The following CPNE8 variants were observed in gnomAD, a reference collection of about 807,000 sequenced individuals.
The protein encoded by CPNE8 is copine 8, also known as copine-8.
A neutral mutation model predicts 81.5 loss-of-function variants in CPNE8; 45 were observed. The ratio of observed to expected loss-of-function variants is 0.55; its 90% CI spans 0.44 to 0.71. CPNE8 has a LOEUF of 0.71. Ranked by LOEUF, CPNE8 falls within the 30% of genes least tolerant of loss-of-function variation. The pLI, the probability that CPNE8 is intolerant of heterozygous loss-of-function variation, is 0.00. For synonymous variants in CPNE8, 252 were observed against 226.3 expected, an observed-to-expected ratio of 1.11 and a Z score of -1.02; for missense variants, 594 against 672.1, an observed-to-expected ratio of 0.88 and a Z score of 1.28.
At chr12:38,755,923 C>T (rs1361087415) in intron 10 of CPNE8, among the ~76,000 whole-genome samples, 10 of 150,310 alleles carry the variant, frequency 6.7e-5, no homozygotes, top group South Asian at 2.1e-4. Flanking sequence ...GCCTGTAGTC[C>T]CAGCTACTCG....
intron 3 of CPNE8, among the ~76,000 whole-genome samples, chr12:38,861,416 G>A (rs1024727836): frequency 5.3e-5 from 8 of 151,850 alleles, no homozygotes; most frequent in African/African-American, 1.4e-4. Context: ...AAATCAGAAC[G>A]AATATTAAAA....
At chr12:38,710,477 G>A (rs2136708315) in intron 13 of CPNE8, among the ~76,000 whole-genome samples, 1 of 152,106 alleles carries the variant, frequency 6.6e-6, no homozygotes, top group South Asian at 2.1e-4. Context: ...AAATCTCTGG[G>A]TCCTAGTTTT....
At chr12:38,857,021 A>T (rs980412494) in intron 3 of CPNE8, among the ~76,000 whole-genome samples, 2 of 151,976 alleles carry the variant, frequency 1.3e-5, no homozygotes, top group African/African-American at 2.4e-5. Flanking sequence ...CTTTTTTTGA[A>T]ATAAATTATG....
chr12:38,777,805 C>T (rs141796819), intron 6 of CPNE8, among the ~76,000 whole-genome samples: 6 of 152,152 alleles, frequency 3.9e-5, no homozygotes, highest in East Asian at 1.9e-4. Context: ...CTGCAGAGCA[C>T]GAGATGAGTG....
At chr12:38,681,999 T>C (rs77681917) in intron 16 of CPNE8, among the ~76,000 whole-genome samples, 4,073 of 152,080 alleles carry the variant, frequency 0.027, 197 homozygotes, top group East Asian at 0.15. Context: ...GGCGGGTGGA[T>C]CACTTAAGCC....
chr12:38,795,580 T>A (rs1305890761), intron 6 of CPNE8, among the ~76,000 whole-genome samples: 10 of 152,152 alleles, frequency 6.6e-5, no homozygotes, highest in Non-Finnish European at 1.2e-4. Context: ...ACTACAAGAA[T>A]GAATCTTGAA....
chr12:38,677,357 T>A, intron 17 of CPNE8, 95 bp downstream of exon 17: 1 of 710,028 alleles, frequency 1.4e-6, no homozygotes, highest in Admixed American at 2.2e-5. Context: ...GTGTGGTGAT[T>A]TTATTTTATT....
intron 10 of CPNE8, among the ~76,000 whole-genome samples, chr12:38,756,323 G>A (rs1331325439): frequency 1.3e-5 from 2 of 149,806 alleles, no homozygotes; most frequent in Admixed American, 1.3e-4. Flanking sequence ...AAAACAAAAT[G>A]TGATTGTAAG....
chr12:38,694,006 GTTATA>G (rs1005624764), intron 14 of CPNE8, among the ~76,000 whole-genome samples, 168 bp from the exon 15 acceptor site: 73 of 152,150 alleles, frequency 4.8e-4, no homozygotes, highest in African/African-American at 1.6e-3. Context: ...AGAAATATTT[GTTATA>G]TTATATTAGA....
intron 10 of CPNE8, among the ~76,000 whole-genome samples, chr12:38,736,298 T>G (rs1940952472): frequency 6.6e-6 from 1 of 151,644 alleles, no homozygotes; most frequent in Non-Finnish European, 1.5e-5. Flanking sequence ...CTATTATGAT[T>G]ATTGAATATT....
chr12:38,783,229 T>C (rs1442287393), intron 6 of CPNE8, among the ~76,000 whole-genome samples: 3 of 152,128 alleles, frequency 2.0e-5, no homozygotes, highest in Non-Finnish European at 4.4e-5. Flanking sequence ...GAGGGCTCCA[T>C]TGATCATCCC....
intron 13 of CPNE8, among the ~76,000 whole-genome samples, chr12:38,708,291 A>T (rs1940163636): frequency 6.6e-6 from 1 of 152,166 alleles, no homozygotes; most frequent in Non-Finnish European, 1.5e-5. Context: ...CAACATTTCA[A>T]TCAGTAACGT....
At chr12:38,717,346 T>C (rs8181765) in intron 13 of CPNE8, among the ~76,000 whole-genome samples, 15,437 of 148,630 alleles carry the variant, frequency 0.1, 1,003 homozygotes, top group East Asian at 0.24. Flanking sequence ...CATACATGTT[T>C]ATAGCAGCAC....
At chr12:38,680,974 T>C (rs760290516) in intron 16 of CPNE8, among the ~76,000 whole-genome samples, 1 of 151,778 alleles carries the variant, frequency 6.6e-6, no homozygotes, top group East Asian at 1.9e-4. Flanking sequence ...CCCCTTAAAA[T>C]TGAAATGTGA....
chr12:38,754,699 A>C (rs1482897047), intron 10 of CPNE8, among the ~76,000 whole-genome samples: 1 of 152,020 alleles, frequency 6.6e-6, no homozygotes, highest in Non-Finnish European at 1.5e-5. Context: ...GGGACAAAAA[A>C]TTCACAAGCT....
chr12:38,687,516 G>C (rs931430494), intron 15 of CPNE8, among the ~76,000 whole-genome samples: 9 of 151,752 alleles, frequency 5.9e-5, no homozygotes, highest in African/African-American at 1.9e-4. Flanking sequence ...CAAGTAGCTG[G>C]CACTACAGGC....
At chr12:38,763,136 C>T (rs1319164137) in intron 8 of CPNE8, among the ~76,000 whole-genome samples, 1 of 152,202 alleles carries the variant, frequency 6.6e-6, no homozygotes, top group African/African-American at 2.4e-5. Context: ...GGATTACAGG[C>T]GTGAGCCACT....
At position 38,802,629 on chromosome 12, in the gene CPNE8, G is replaced by C. The variant is rs557798051; in HGVS notation, c.408-26328C>G. Among the ~76,000 whole-genome samples the C allele has an allele frequency of 7.9e-5, 12 of 150,980 alleles. No homozygotes were observed. The South Asian group carries it at 2.3e-3, about 29-fold the overall frequency. On this transcript the variant is annotated intron_variant, in intron 6 of 19. Transcript: ENST00000331366. ...AAAGCAAGAGCAAACACATTCAAAAGCTGGCAGAAGGCAAGAAATAACTAA... is the reference window on the plus strand; with the variant it reads ...AAAGCAAGAGCAAACACATTCAAAACCTGGCAGAAGGCAAGAAATAACTAA...
rs1055110056 is a variant in CPNE8 at position 38,797,091 on chromosome 12, C to G, written c.408-20790G>C. On this transcript the variant is annotated intron_variant, in intron 6 of 19. Transcript: ENST00000331366. ...ACCACAGCTCAAGGAGGCCTGCCTG[C>G]CTCTGTAGGCTCCACCTCTGGGGGC... is the stretch of plus-strand genomic sequence containing the variant. Among the ~76,000 whole-genome samples, 13 of 152,296 alleles carry G rather than the reference C, an allele frequency of 8.5e-5. No individual in the cohort carries two copies. In the South Asian group the frequency reaches 1.7e-3, roughly 19 times the overall value.
Sources: gnomAD v4.1 joint callset for allele counts (sites outside exome capture counted in the v4.1 genomes callset) on GRCh38, gnomAD v4.1.1 for gene constraint, MANE v1.5 for transcripts, NCBI Gene and HGNC (gene_info 2026-07-23, HGNC 2026-07-21) for gene names.